CALN1: variants seen among roughly 807,000 people sequenced by gnomAD.
The protein encoded by CALN1 is calcium-binding protein 8.
CALN1 carries 17 observed loss-of-function variants against 30.6 expected under a neutral mutation model. The ratio of observed to expected loss-of-function variants is 0.56; its 90% confidence interval spans 0.38 to 0.83. The LOEUF is 0.83. CALN1 is among the 40% of genes least tolerant of loss of function. The pLI is 0.00. For missense variants in CALN1, 291 were observed against 354.9 expected (o/e 0.82, Z 1.45); for synonymous variants, 156 against 131.4 (o/e 1.19, Z -1.28).
At chr7:72,317,066 AAGAGAGACAC>A (rs1800518014) in intron 2 of CALN1, among the ~76,000 whole-genome samples, 16 of 133,312 alleles carry the variant, frequency 1.2e-4, no homozygotes, top group African/African-American at 4.5e-4. Flanking sequence ...GAGAGAGAGA[AAGAGAGACAC>A]AGAAAGAGAG....
At chr7:72,255,813 C>T (rs1489968666) in intron 3 of CALN1, among the ~76,000 whole-genome samples, 2 of 151,888 alleles carry the variant, frequency 1.3e-5, no homozygotes, top group Admixed American at 6.6e-5. Flanking sequence ...TCACTGCAAC[C>T]TCCGTCTCCC....
chr7:72,503,419 G>T, the CALN1 span, among the ~76,000 whole-genome samples: 1 of 151,898 alleles, frequency 6.6e-6, no homozygotes, highest in African/African-American at 2.4e-5. Flanking sequence ...GTATTTGGGG[G>T]TCCAGTTGCT....
At chr7:71,912,062 G>A (rs948554992) in intron 5 of CALN1, among the ~76,000 whole-genome samples, 3 of 151,942 alleles carry the variant, frequency 2.0e-5, no homozygotes, top group Non-Finnish European at 4.4e-5. Context: ...TGGGTGAAAC[G>A]GGCTCAATCC....
At chr7:72,344,672 T>C (rs1028019110) in intron 2 of CALN1, among the ~76,000 whole-genome samples, 1 of 147,044 alleles carries the variant, frequency 6.8e-6, no homozygotes, top group African/African-American at 2.5e-5. Context: ...ATATATATTT[T>C]ATTTATGTAT....
chr7:72,209,637 G>C (rs1444820361), intron 3 of CALN1, among the ~76,000 whole-genome samples: 1 of 151,508 alleles, frequency 6.6e-6, no homozygotes, highest in Non-Finnish European at 1.5e-5. Context: ...GTCAATATTA[G>C]AACATTTTCA....
chr7:72,267,354 A>C (rs776474915), intron 3 of CALN1, among the ~76,000 whole-genome samples: 8 of 152,212 alleles, frequency 5.3e-5, no homozygotes, highest in Non-Finnish European at 8.8e-5. Flanking sequence ...GCATAAAGTC[A>C]TGCTCATGGC....
chr7:72,372,444 A>G (rs965247095), intron 2 of CALN1, among the ~76,000 whole-genome samples: 15 of 152,210 alleles, frequency 9.9e-5, no homozygotes, highest in Admixed American at 1.3e-4. Context: ...GAGAGCCAAC[A>G]AAGGGAGTAC....
intron 3 of CALN1, among the ~76,000 whole-genome samples, chr7:72,121,898 A>G (rs1049828098): frequency 4.1e-5 from 6 of 147,446 alleles, no homozygotes; most frequent in South Asian, 4.2e-4. Flanking sequence ...TATAATATAT[A>G]TTTTATATAT....
rs541108931 is a variant in CALN1, at chr7:71,967,373, G to C, written c.501+56284C>G. Among the ~76,000 whole-genome samples the C allele has an allele frequency of 2.6e-5, 4 of 152,140 alleles. No individual in the cohort carries two copies. The East Asian group carries it at 5.8e-4, about 22-fold the overall frequency. ...TGACTAGGTGTGATGACTCATGTCT[G>C]TAATCCTAGGGCTTTGGGAAACCAA... On this transcript the variant is annotated intron_variant, in intron 5 of 6. Transcript: ENST00000395275.
intron 3 of CALN1, among the ~76,000 whole-genome samples, chr7:72,148,552 T>C (rs1344821697): frequency 2.6e-5 from 4 of 152,142 alleles, no homozygotes; most frequent in African/African-American, 7.2e-5. Flanking sequence ...TGAGCCATCA[T>C]TGTGCCACTG....
intron 3 of CALN1, among the ~76,000 whole-genome samples, chr7:72,106,628 G>C (rs1451382891): frequency 7.0e-6 from 1 of 142,780 alleles, no homozygotes; most frequent in Admixed American, 7.3e-5. Context: ...AAAAGAGAAA[G>C]AAGAAAGGAA....
chr7:72,273,137 G>A (rs893011208), intron 3 of CALN1, among the ~76,000 whole-genome samples: 1 of 151,902 alleles, frequency 6.6e-6, no homozygotes, highest in Non-Finnish European at 1.5e-5. Flanking sequence ...ACCAGTCTAA[G>A]GATAAAAAGG....
chr7:72,142,442 T>C (rs1157109477), intron 3 of CALN1, among the ~76,000 whole-genome samples: 2 of 152,174 alleles, frequency 1.3e-5, no homozygotes, highest in African/African-American at 2.4e-5. Context: ...CTGCCATTGC[T>C]GAGGCTTGAG....
At chr7:72,314,400 TATATACAC>T (rs1414609351) in intron 2 of CALN1, among the ~76,000 whole-genome samples, 4 of 121,076 alleles carry the variant, frequency 3.3e-5, no homozygotes, top group Non-Finnish European at 8.0e-5. Flanking sequence ...TATATACACA[TATATACAC>T]ATATATATAC....
At chr7:72,295,258 G>A (rs1051222785) in intron 2 of CALN1, among the ~76,000 whole-genome samples, 39 of 152,010 alleles carry the variant, frequency 2.6e-4, no homozygotes, top group Admixed American at 1.6e-3. Flanking sequence ...TTATAATTAC[G>A]GGCTATCTTT....
At chr7:72,077,819 C>CTTT (rs752931517) in intron 4 of CALN1, among the ~76,000 whole-genome samples, 17 of 152,318 alleles carry the variant, frequency 1.1e-4, no homozygotes, top group Middle Eastern at 3.4e-3. Flanking sequence ...AAAGCCATCA[C>CTTT]TTTGCAGACT....
intron 2 of CALN1, among the ~76,000 whole-genome samples, chr7:72,298,116 G>A (rs112256049): frequency 4.4e-4 from 67 of 152,224 alleles, no homozygotes; most frequent in African/African-American, 1.3e-3. Context: ...TTTGAGAAGC[G>A]GTGATTTCCT....
At chr7:72,135,743 C>G (rs1809464952) in intron 3 of CALN1, among the ~76,000 whole-genome samples, 1 of 152,170 alleles carries the variant, frequency 6.6e-6, no homozygotes, top group Admixed American at 6.5e-5. Context: ...GGACTGGCCC[C>G]TCACAAGAGT....
At position 72,154,725 on chromosome 7, in the gene CALN1, C is replaced by T. The variant is rs578201482; in HGVS notation, c.245-48431G>A. 5.9e-5 allele frequency among the ~76,000 whole-genome samples: 9 copies of T among 152,130 alleles called. No individual in the cohort carries two copies. In the East Asian group the frequency reaches 1.4e-3, roughly 23 times the overall value. On this transcript the variant is annotated intron_variant, in intron 3 of 6. Coordinates refer to ENST00000395275, the MANE Select transcript of CALN1 (RefSeq NM_031468.4). ...TAAGGTCATAGGGTAAGGCTTAATC[C>T]GATAAGGCTGGTGTCCTTAATAAGA... is the stretch of plus-strand genomic sequence containing the variant.
Sources: allele counts gnomAD v4.1 joint callset (sites outside exome capture counted in the v4.1 genomes callset), GRCh38; gene constraint gnomAD v4.1.1; transcripts MANE v1.5; gene names NCBI Gene and HGNC (gene_info 2026-07-23, HGNC 2026-07-21).